COQ3: variants seen among roughly 807,000 people sequenced by gnomAD.
COQ3 encodes the protein ubiquinone biosynthesis O-methyltransferase, mitochondrial.
A neutral mutation model predicts 33.1 loss-of-function variants in COQ3; 29 were observed. The observed-to-expected ratio is 0.88, with a 90% CI of 0.65 to 1.19. The LOEUF (loss-of-function observed/expected upper bound fraction) is 1.19, where lower values mean the gene tolerates loss of function less well. Among genes scored for constraint, COQ3 ranks in the 50% most tolerant of loss-of-function variants. The pLI is 0.00. For synonymous variants in COQ3, 173 were observed against 157.8 expected (o/e 1.10, Z -0.72); for missense variants, 437 against 430.7 (o/e 1.01, Z -0.13).
chr6:99,379,376 C>T (rs117632892), intron 3 of COQ3, among the ~76,000 whole-genome samples: 409 of 152,312 alleles, frequency 2.7e-3, no homozygotes, highest in Non-Finnish European at 4.6e-3. Flanking sequence ...TGTACTCTTG[C>T]CTTTCTTTAA....
chr6:99,382,441 T>A (rs1582725603), intron 2 of COQ3, among the ~76,000 whole-genome samples: 1 of 152,232 alleles, frequency 6.6e-6, no homozygotes, highest in African/African-American at 2.4e-5. Context: ...TCTATATTCA[T>A]TACTTTTTAT....
Position 99,383,602 on chromosome 6 carries a change from T to C in COQ3, c.233+96A>G. Reference sequence around the variant, plus strand: ...CACAAGCTACTTTAATCAAGACACATGGACTATTACATACTGACTGGGTTT... The same window carrying C: ...CACAAGCTACTTTAATCAAGACACACGGACTATTACATACTGACTGGGTTT... On this transcript the variant is annotated intron_variant, in intron 2 of 6. Transcript: ENST00000254759. 3 of 850,310 alleles carry C rather than the reference T, an allele frequency of 3.5e-6. No homozygotes were observed. In the South Asian group the frequency reaches 6.8e-5, roughly 19 times the overall value. The allele number at this position is 850,310 out of a possible 1,614,324, so 52.7% of individuals were successfully genotyped here.
chr6:99,389,213 C>T (rs1774753709), intron 1 of COQ3, among the ~76,000 whole-genome samples: 1 of 152,132 alleles, frequency 6.6e-6, no homozygotes, highest in South Asian at 2.1e-4. Context: ...ATCTCTGCCT[C>T]CCAGTTTCAA....
At chr6:99,385,933 C>A (rs1424212719) in intron 1 of COQ3, among the ~76,000 whole-genome samples, 1 of 140,946 alleles carries the variant, frequency 7.1e-6, no homozygotes, top group Admixed American at 7.5e-5. Flanking sequence ...GCCAAGATTG[C>A]GCCACTGCAC....
At chr6:99,385,870 G>A (rs1438627264) in intron 1 of COQ3, among the ~76,000 whole-genome samples, 2 of 151,334 alleles carry the variant, frequency 1.3e-5, no homozygotes, top group Non-Finnish European at 1.5e-5. Flanking sequence ...CCAGCTACCC[G>A]GGAGGCTGAG....
chr6:99,382,140 T>C (rs1562206751), intron 2 of COQ3, among the ~76,000 whole-genome samples: 3 of 152,144 alleles, frequency 2.0e-5, no homozygotes, highest in African/African-American at 7.2e-5. Flanking sequence ...TAGTGACTAG[T>C]ACAGTTCCTG....
intron 5 of COQ3, among the ~76,000 whole-genome samples, chr6:99,374,371 T>C (rs991151385): frequency 1.6e-4 from 24 of 152,168 alleles, no homozygotes; most frequent in Admixed American, 1.6e-3. Context: ...CCTAGGTGTC[T>C]CACTTGACTC....
At chr6:99,374,171 G>A (rs762378804) in intron 5 of COQ3, among the ~76,000 whole-genome samples, 1 of 151,544 alleles carries the variant, frequency 6.6e-6, no homozygotes, top group Non-Finnish European at 1.5e-5. Context: ...GCTCTGTAGT[G>A]CAGTTAATAA....
chr6:99,382,350 T>C (rs1774497105), intron 2 of COQ3, among the ~76,000 whole-genome samples: 2 of 152,160 alleles, frequency 1.3e-5, no homozygotes, highest in African/African-American at 2.4e-5. Flanking sequence ...AGGTAAAACA[T>C]AGTAAGGATG....
At chr6:99,374,481 A>T (rs1051970003) in intron 5 of COQ3, among the ~76,000 whole-genome samples, 1 of 152,226 alleles carries the variant, frequency 6.6e-6, no homozygotes, top group Non-Finnish European at 1.5e-5. Context: ...CTATAAATTT[A>T]AAATTACTTA....
At chr6:99,387,008 C>G (rs931733714) in intron 1 of COQ3, among the ~76,000 whole-genome samples, 1 of 152,128 alleles carries the variant, frequency 6.6e-6, no homozygotes, top group Admixed American at 6.5e-5. Context: ...GGAACAGACA[C>G]AAAAATTCTT....
chr6:99,373,621 A>C (rs1003494394), intron 5 of COQ3, among the ~76,000 whole-genome samples: 2 of 152,174 alleles, frequency 1.3e-5, no homozygotes, highest in African/African-American at 4.8e-5. Flanking sequence ...ACACACTGAC[A>C]TATAAAATAA....
intron 3 of COQ3, 24 bp downstream of exon 3, chr6:99,380,165 G>T: frequency 6.2e-7 from 1 of 1,600,512 alleles, no homozygotes; most frequent in Non-Finnish European, 8.5e-7. Flanking sequence ...CATTTAAAAA[G>T]ACTTAGAGTT....
At chr6:99,376,691 C>A (rs969245857) in intron 4 of COQ3, among the ~76,000 whole-genome samples, 1 of 152,112 alleles carries the variant, frequency 6.6e-6, no homozygotes, top group Non-Finnish European at 1.5e-5. Context: ...CACAGGTTGG[C>A]CAGGCACGGT....
intron 5 of COQ3, among the ~76,000 whole-genome samples, chr6:99,374,398 T>G (rs939757903): frequency 6.6e-6 from 1 of 152,192 alleles, no homozygotes; most frequent in Non-Finnish European, 1.5e-5. Flanking sequence ...GTTCCTACCC[T>G]TATGATGTGA....
At chr6:99,374,982 C>A (rs1582716450) in intron 5 of COQ3, among the ~76,000 whole-genome samples, 2 of 148,442 alleles carry the variant, frequency 1.3e-5, no homozygotes, top group South Asian at 2.1e-4. Context: ...AAATCAATTT[C>A]TTTCTTTTTT....
chr6:99,393,885 C>T (rs559469346), intron 1 of COQ3, among the ~76,000 whole-genome samples, 189 bp downstream of exon 1: 1 of 152,306 alleles, frequency 6.6e-6, no homozygotes, highest in Admixed American at 6.5e-5. Flanking sequence ...AGCTCTTTTC[C>T]CCGGCGTCCG....
intron 1 of COQ3, among the ~76,000 whole-genome samples, chr6:99,393,746 C>T (rs1201976884): frequency 6.6e-6 from 1 of 152,212 alleles, no homozygotes; most frequent in Non-Finnish European, 1.5e-5. Context: ...TATTCCTGCC[C>T]CGGCAAAGGA....
intron 1 of COQ3, among the ~76,000 whole-genome samples, chr6:99,389,154 A>T (rs1254186293): frequency 6.6e-6 from 1 of 151,790 alleles, no homozygotes; most frequent in Non-Finnish European, 1.5e-5. Context: ...AGGGTCTCTC[A>T]CTCTGTCGCC....
Sources: gnomAD v4.1 joint callset for allele counts (sites outside exome capture counted in the v4.1 genomes callset) on GRCh38, gnomAD v4.1.1 for gene constraint, MANE v1.5 for transcripts, NCBI Gene and HGNC (gene_info 2026-07-23, HGNC 2026-07-21) for gene names.